PEX1: variants seen among roughly 807,000 people sequenced by gnomAD.
The protein encoded by PEX1 is peroxisomal ATPase PEX1.
PEX1 carries 97 observed loss-of-function variants against 152.5 expected under a neutral mutation model. That is an observed-to-expected ratio of 0.64 (90% CI 0.54 to 0.75). The LOEUF is 0.75. PEX1 is among the 30% of genes least tolerant of loss of function. The probability of loss-of-function intolerance (pLI) is 0.00; values close to 1 mark genes in which losing one functional copy is unlikely to be tolerated. For synonymous variants in PEX1, 485 were observed against 531.6 expected, an observed-to-expected ratio of 0.91 and a Z score of 1.21; for missense variants, 1,357 against 1,516.3, an observed-to-expected ratio of 0.89 and a Z score of 1.74.
At position 92,496,716 on chromosome 7, in the gene PEX1, A is replaced by G; in HGVS notation, c.2780T>C (p.Ile927Thr). Reference protein sequence around the residue: ...ASEQAVRDIFIRAQAAKPCIL... With the variant: ...ASEQAVRDIFTRAQAAKPCIL... ...AAAACATTCATAGGCTACCAACCTA[A>G]TAAAAATATCCCGAACAGCTTGTTC... Residue 927 changes from isoleucine to threonine, a missense_variant, in exon 17 of 24, where the codon ATT becomes ACT. By Grantham distance (89) the Ile-to-Thr change is moderately conservative (BLOSUM62 -1). Coordinates refer to ENST00000248633, the MANE Select transcript of PEX1 (RefSeq NM_000466.3). The G allele has an allele frequency of 6.2e-7, 1 of 1,601,690 alleles. No individual in the cohort carries two copies. The highest frequency in any genetic ancestry group is 8.6e-7 in the Non-Finnish European group (1 of 1,168,758).
At chr7:92,501,330 T>C (rs1485866335) in intron 15 of PEX1, among the ~76,000 whole-genome samples, 177 bp downstream of exon 15, 1 of 151,590 alleles carries the variant, frequency 6.6e-6, no homozygotes, top group Non-Finnish European at 1.5e-5. Flanking sequence ...AAAAAATTAA[T>C]TAATAAAATT....
At position 92,528,256 on chromosome 7, in the gene PEX1, C is replaced by G. The variant is rs992742439; in HGVS notation, c.129+51G>C. On this transcript the variant is annotated intron_variant, in intron 1 of 23. Transcript: ENST00000248633. ...CCGCCGCGTCCCTGAGAGGCTTCGG[C>G]CTCGTCCGACCCCAGGCTGAAGATC... 1.9e-6 allele frequency: 3 copies of G among 1,544,026 alleles called. No individual in the cohort carries two copies. The Admixed American group carries it at 5.9e-5, about 30-fold the overall frequency.
intron 1 of PEX1, among the ~76,000 whole-genome samples, chr7:92,523,258 T>C (rs116803244): frequency 6.6e-6 from 1 of 152,226 alleles, no homozygotes; most frequent in Non-Finnish European, 1.5e-5. Context: ...TTTCATATAG[T>C]TGTGTTCATA....
At chr7:92,494,707 G>T in intron 17 of PEX1, 78 bp from the exon 18 acceptor site, 1 of 1,103,052 alleles carries the variant, frequency 9.1e-7, no homozygotes, top group Non-Finnish European at 1.3e-6. Flanking sequence ...ATATATGAAT[G>T]TATTTATTTT....
chr7:92,497,779 C>T (rs1791722887), intron 16 of PEX1, among the ~76,000 whole-genome samples: 1 of 152,196 alleles, frequency 6.6e-6, no homozygotes, highest in South Asian at 2.1e-4. Flanking sequence ...CAAGAAATAA[C>T]TAAGGCAAGA....
In PEX1 at chr7:92,496,741, C is replaced by G; in HGVS notation, c.2755G>C (p.Glu919Gln). 3.1e-6 allele frequency: 5 copies of G among 1,610,164 alleles called. No homozygotes were observed. The highest frequency in any genetic ancestry group is 4.2e-6 in the Non-Finnish European group (5 of 1,176,592). The part of the protein sequence containing the change: ...ELLSKYIGAS[E>Q]QAVRDIFIRA... ...ATAAAAATATCCCGAACAGCTTGTT[C>G]ACTTGCTCCAATGTATTTGCTGAGT... Residue 919 changes from glutamate (E) to glutamine (Q), a missense_variant, in exon 17 of 24, where the codon GAA becomes CAA. Transcript: ENST00000248633.
intron 19 of PEX1, 109 bp from the exon 20 acceptor site, chr7:92,493,238 G>C (rs541092642): frequency 3.1e-6 from 2 of 642,496 alleles, no homozygotes; most frequent in Admixed American, 6.1e-5. Flanking sequence ...TATCTAAAAA[G>C]CTTTATAAGT....
chr7:92,503,857 A>G (rs1023210897), intron 12 of PEX1, among the ~76,000 whole-genome samples: 5 of 152,114 alleles, frequency 3.3e-5, no homozygotes, highest in Non-Finnish European at 5.9e-5. Flanking sequence ...GTTGCATTTT[A>G]TATCTATTTC....
chr7:92,510,328 T>A (rs1319745770), intron 8 of PEX1, among the ~76,000 whole-genome samples: 3 of 151,708 alleles, frequency 2.0e-5, no homozygotes, highest in African/African-American at 4.8e-5. Flanking sequence ...TAGCCAGGCA[T>A]CATGGCATTC....
intron 9 of PEX1, 116 bp downstream of exon 9, chr7:92,509,213 G>A (rs1792337433): frequency 5.6e-6 from 4 of 720,278 alleles, no homozygotes; most frequent in Non-Finnish European, 9.9e-6. Context: ...ATCTACTGAT[G>A]CATTATTAAG....
intron 2 of PEX1, 64 bp downstream of exon 2, chr7:92,522,032 CTTTTAA>C (rs1793071680): frequency 6.6e-6 from 10 of 1,522,824 alleles, no homozygotes; most frequent in African/African-American, 1.4e-5. Flanking sequence ...AAAATCTAAA[CTTTTAA>C]TTTTATTTCT....
At chr7:92,492,013 C>T (rs1162549278) in intron 20 of PEX1, among the ~76,000 whole-genome samples, 1 of 152,116 alleles carries the variant, frequency 6.6e-6, no homozygotes, top group Non-Finnish European at 1.5e-5. Context: ...TAGAATAATC[C>T]TTCCTAGAAA....
At chr7:92,511,141 C>T (rs948363311) in intron 7 of PEX1, 94 bp from the exon 8 acceptor site, 2 of 604,752 alleles carry the variant, frequency 3.3e-6, no homozygotes, top group African/African-American at 1.9e-5. Context: ...AAGTTAAAGA[C>T]TTTTTTTTTT....
In PEX1 at chr7:92,504,767, CTG is replaced by C. The variant is rs61750412; in HGVS notation, c.2034_2035del (p.His678GlnfsTer3). The C allele has an allele frequency of 3.7e-6, 6 of 1,614,208 alleles. No homozygotes were observed. Among genetic ancestry groups the C allele is most frequent in the Non-Finnish European group, 5.1e-6 (6 of 1,180,032 alleles). ...CCGCTGGCTCTGCACCGCATCAGGA[CTG>C]TGCTCATGTTCCGGGACAGCAGGCA... On this transcript the variant is annotated frameshift_variant, in exon 12 of 24. Transcript: ENST00000248633. LOFTEE classifies it high-confidence loss of function.
chr7:92,498,848 G>A (rs1791784903), intron 16 of PEX1, among the ~76,000 whole-genome samples: 2 of 152,302 alleles, frequency 1.3e-5, no homozygotes, highest in Admixed American at 6.5e-5. Context: ...CCTCAGTATG[G>A]TCTCCTGCCT....
rs370243687 is a variant in PEX1, at chr7:92,514,609, G to A, written c.1240-642C>T. ...TCACAGACAATCTGCCTGATTGTCT[G>A]ATTAAATGATTAGATCCAGACAGAA... On this transcript the variant is annotated intron_variant, in intron 5 of 23. Coordinates refer to ENST00000248633, the MANE Select transcript of PEX1 (RefSeq NM_000466.3). Among the ~76,000 whole-genome samples the A allele has an allele frequency of 4.1e-4, 62 of 152,244 alleles. No homozygotes were observed. In the East Asian group the frequency reaches 0.01, roughly 25 times the overall value.
intron 6 of PEX1, among the ~76,000 whole-genome samples, 171 bp downstream of exon 6, chr7:92,513,677 T>C (rs1267023331): frequency 6.6e-6 from 1 of 152,170 alleles, no homozygotes; most frequent in Admixed American, 6.5e-5. Context: ...CTTTGAATTA[T>C]ACACTTAAAA....
intron 6 of PEX1, 140 bp from the exon 7 acceptor site, chr7:92,511,843 A>G: frequency 2.6e-6 from 2 of 755,886 alleles, no homozygotes; most frequent in East Asian, 2.7e-5. Flanking sequence ...TTCTATAGGC[A>G]CAGGTCTGGG....
Position 92,494,413 on chromosome 7 carries a change from C to T in PEX1, c.2927-17G>A, listed in dbSNP as rs776638195. ...CATAAACACCTAGAGGAAAAAAGAA[C>T]ATTTTTTTACCAAAATCTGATGACA... is the stretch of plus-strand genomic sequence containing the variant. On this transcript the variant is annotated splice_polypyrimidine_tract_variant and intron_variant, in intron 18 of 23. Transcript: ENST00000248633. 87 of 1,611,816 alleles carry T rather than the reference C, an allele frequency of 5.4e-5. No individual in the cohort carries two copies. Among genetic ancestry groups the T allele is most frequent in the Non-Finnish European group, 7.3e-5 (86 of 1,178,050 alleles).
Sources: gnomAD v4.1 joint callset for allele counts (sites outside exome capture counted in the v4.1 genomes callset) on GRCh38, gnomAD v4.1.1 for gene constraint, MANE v1.5 for transcripts, NCBI Gene and HGNC (gene_info 2026-07-23, HGNC 2026-07-21) for gene names.